Variants in ROBO2 observed in about 807,000 individuals in gnomAD.
The protein encoded by ROBO2 is roundabout homolog 2.
A neutral mutation model predicts 160.8 loss-of-function variants in ROBO2; 53 were observed. The ratio of observed to expected loss-of-function variants is 0.33; its 90% CI spans 0.26 to 0.41. The LOEUF (loss-of-function observed/expected upper bound fraction) is 0.41, where lower values mean the gene tolerates loss of function less well. Ranked by LOEUF, ROBO2 falls within the 10% of genes least tolerant of loss-of-function variation. The pLI is 1.00. For missense variants in ROBO2, 1,577 were observed against 1,722.4 expected, an observed-to-expected ratio of 0.92 and a Z score of 1.49; for synonymous variants, 664 against 611.7, an observed-to-expected ratio of 1.09 and a Z score of -1.26.
chr3:76,557,619 TTTTAC>T (rs2083876478), intron 2 of ROBO2, among the ~76,000 whole-genome samples: 1 of 151,414 alleles, frequency 6.6e-6, no homozygotes. Flanking sequence ...TTTTTTTTTT[TTTTAC>T]TTTAAGAAGT....
intron 2 of ROBO2, among the ~76,000 whole-genome samples, chr3:77,014,045 C>G (rs1190911159): frequency 1.3e-5 from 2 of 150,712 alleles, no homozygotes; most frequent in Non-Finnish European, 2.9e-5. Context: ...TTGTCCCTGT[C>G]TCTTATTCTA....
chr3:76,943,090 G>A (rs1174768833), intron 2 of ROBO2, among the ~76,000 whole-genome samples: 2 of 152,162 alleles, frequency 1.3e-5, no homozygotes, highest in African/African-American at 4.8e-5. Context: ...GCTAAGTATG[G>A]AGAGGTAGGA....
intron 2 of ROBO2, among the ~76,000 whole-genome samples, chr3:76,646,705 A>G (rs2090987074): frequency 6.6e-6 from 1 of 152,266 alleles, no homozygotes. Context: ...TGACGTCTTT[A>G]CCTCTGCCAA....
At chr3:77,056,019 G>T (rs1305947059) in intron 1 of ROBO2, among the ~76,000 whole-genome samples, 1 of 152,232 alleles carries the variant, frequency 6.6e-6, no homozygotes, top group African/African-American at 2.4e-5. Context: ...GACATAGTGT[G>T]TAGGTATTTA....
At chr3:77,275,486 C>G in intron 2 of ROBO2, among the ~76,000 whole-genome samples, 1 of 152,256 alleles carries the variant, frequency 6.6e-6, no homozygotes, top group Non-Finnish European at 1.5e-5. Context: ...TTTCCAATTT[C>G]TCTCCCCAGT....
chr3:76,978,945 A>T (rs9868109), intron 2 of ROBO2, among the ~76,000 whole-genome samples: 101,930 of 145,964 alleles, frequency 0.7, 34,814 homozygotes, highest in East Asian at 0.74. Context: ...TTTGTTTTTT[A>T]AAAAAAAAAA....
chr3:75,931,646 C>T (rs1947545542), intron 1 of ROBO2, among the ~76,000 whole-genome samples: 1 of 152,134 alleles, frequency 6.6e-6, no homozygotes. Context: ...GCCACCACGC[C>T]CGGCCCAAAT....
chr3:76,638,035 T>C (rs2090434558), intron 2 of ROBO2, among the ~76,000 whole-genome samples: 1 of 152,202 alleles, frequency 6.6e-6, no homozygotes, highest in Admixed American at 6.5e-5. Flanking sequence ...GGGTTCCTTT[T>C]TGTTTAAAAA....
chr3:77,042,599 G>A (rs1285174653), intron 1 of ROBO2, among the ~76,000 whole-genome samples: 1 of 152,166 alleles, frequency 6.6e-6, no homozygotes, highest in East Asian at 1.9e-4. Context: ...TAATATACCA[G>A]GGTGTTTGGA....
At chr3:76,433,240 A>T (rs914262361) in intron 2 of ROBO2, among the ~76,000 whole-genome samples, 1 of 152,208 alleles carries the variant, frequency 6.6e-6, no homozygotes, top group East Asian at 1.9e-4. Context: ...CACGCTATTT[A>T]TAAGTTTAAA....
At chr3:76,612,627 A>C (rs1395867516) in intron 2 of ROBO2, among the ~76,000 whole-genome samples, 1 of 152,204 alleles carries the variant, frequency 6.6e-6, no homozygotes, top group East Asian at 1.9e-4. Context: ...ATGGGTTGAT[A>C]GGTGCAGCAA....
intron 2 of ROBO2, among the ~76,000 whole-genome samples, chr3:76,945,266 A>G (rs906136453): frequency 3.9e-5 from 6 of 152,142 alleles, no homozygotes; most frequent in African/African-American, 7.2e-5. Flanking sequence ...TAAGCATTTA[A>G]TGAATGTTAA....
chr3:77,410,732 TTCCTCCTCCTTTTCCTCCTCCTCTTCC>T (rs1206324515), intron 2 of ROBO2, among the ~76,000 whole-genome samples: 31 of 49,154 alleles, frequency 6.3e-4, no homozygotes, highest in African/African-American at 2.7e-3. Flanking sequence ...CCTCCTCCTC[TTCCTCCTCCTTTTCCTCCTCCTCTTCC>T]TCCTCCTCCT....
At chr3:76,141,159 C>CTCTCTATA (rs1364431015) in intron 2 of ROBO2, among the ~76,000 whole-genome samples, 4 of 9,174 alleles carry the variant, frequency 4.4e-4, no homozygotes, top group Non-Finnish European at 5.4e-4. Flanking sequence ...CTCTCTCTCT[C>CTCTCTATA]TATATATATA....
intron 2 of ROBO2, among the ~76,000 whole-genome samples, chr3:76,725,119 C>T (rs886613007): frequency 1.3e-5 from 2 of 152,120 alleles, no homozygotes; most frequent in African/African-American, 4.8e-5. Flanking sequence ...TGTTTTAAAC[C>T]ACCAAGTTTG....
intron 6 of ROBO2, among the ~76,000 whole-genome samples, chr3:77,537,240 C>T (rs1407669076): frequency 6.6e-6 from 1 of 151,974 alleles, no homozygotes; most frequent in Non-Finnish European, 1.5e-5. Flanking sequence ...ACTTCACTGC[C>T]TTTTTAAGTA....
chr3:76,739,283 T>C (rs1418892439), intron 2 of ROBO2, among the ~76,000 whole-genome samples: 2 of 152,144 alleles, frequency 1.3e-5, no homozygotes, highest in Non-Finnish European at 2.9e-5. Flanking sequence ...ATTTACAGCA[T>C]GGAATACTAT....
At chr3:76,501,409 C>T (rs1297372017) in intron 2 of ROBO2, among the ~76,000 whole-genome samples, 1 of 152,130 alleles carries the variant, frequency 6.6e-6, no homozygotes, top group Non-Finnish European at 1.5e-5. Context: ...TGAGAGGAAT[C>T]CGAGTCAGAA....
At chr3:76,682,370 C>T (rs1054578234) in intron 2 of ROBO2, among the ~76,000 whole-genome samples, 2 of 151,996 alleles carry the variant, frequency 1.3e-5, no homozygotes, top group Non-Finnish European at 2.9e-5. Context: ...ATACTTTCCA[C>T]TAATTTTGCT....
Sources: gnomAD v4.1 joint callset for allele counts (sites outside exome capture counted in the v4.1 genomes callset) on GRCh38, gnomAD v4.1.1 for gene constraint, MANE v1.5 for transcripts, NCBI Gene and HGNC (gene_info 2026-07-23, HGNC 2026-07-21) for gene names.